VDAC1: variants seen among roughly 807,000 people sequenced by gnomAD.
VDAC1 encodes the protein voltage dependent anion channel 1.
A neutral mutation model predicts 34.7 loss-of-function variants in VDAC1; 10 were observed. The ratio of observed to expected loss-of-function variants is 0.29; its 90% CI spans 0.18 to 0.49. The LOEUF (loss-of-function observed/expected upper bound fraction) is 0.49. Among genes scored for constraint, VDAC1 ranks in the 20% least tolerant of loss-of-function variants. The probability of loss-of-function intolerance (pLI) is 0.99; values close to 1 mark genes in which losing one functional copy is unlikely to be tolerated. For synonymous variants in VDAC1, 130 were observed against 136.0 expected (o/e 0.96, Z 0.30); for missense variants, 230 against 347.9 (o/e 0.66, Z 2.69).
chr5:134,026,871 C>T, the VDAC1 span, among the ~76,000 whole-genome samples: 2 of 152,352 alleles, frequency 1.3e-5, no homozygotes, highest in African/African-American at 4.8e-5. Context: ...CCCTCATTTA[C>T]AGATGTGGAA....
chr5:133,994,220 T>A (rs548648884), intron 1 of VDAC1, among the ~76,000 whole-genome samples: 2 of 152,214 alleles, frequency 1.3e-5, no homozygotes, highest in Non-Finnish European at 2.9e-5. Context: ...TCAAAGGCAT[T>A]GCAGGAGGCC....
At position 133,998,717 on chromosome 5, in the gene VDAC1, G is replaced by A. The variant is rs75085112; in HGVS notation, c.-6-5699C>T. On this transcript the variant is annotated intron_variant, in intron 1 of 8. Transcript: ENST00000265333. The stretch of plus-strand genomic sequence containing the variant: ...GAAGAGTTATCAGGCAAGGTCCGTC[G>A]GGGCACATTTCACTCCCAGGTGACC... Among the ~76,000 whole-genome samples the A allele has an allele frequency of 3.2e-3, 486 of 152,284 alleles. 5 individuals carry two copies. Among genetic ancestry groups the A allele is most frequent in the African/African-American group, 0.011 (461 of 41,558 alleles).
In VDAC1 at chr5:133,972,220, T is replaced by C. The variant is rs1752322444; in HGVS notation, c.*551A>G. The C allele has an allele frequency of 5.9e-6, 1 of 170,156 alleles. No homozygotes were observed. The highest frequency in any genetic ancestry group is 6.3e-5 in the Admixed American group (1 of 15,792). The allele number at this position is 170,156 out of a possible 1,614,324, so 10.5% of individuals were successfully genotyped here. A position where few individuals can be genotyped will look rare whatever the true frequency, so the allele number is the denominator to read the frequency against. On this transcript the variant is annotated 3_prime_UTR_variant, in exon 9 of 9. Transcript: ENST00000265333. Reference sequence around the variant, plus strand: ...AATAAGTCCTGAATTATTGGCTTCATCACATCCACCTTCTCCACCCCAAAA... The same window carrying C: ...AATAAGTCCTGAATTATTGGCTTCACCACATCCACCTTCTCCACCCCAAAA...
At chr5:133,981,206 A>G (rs1238881434) in intron 5 of VDAC1, among the ~76,000 whole-genome samples, 1 of 152,160 alleles carries the variant, frequency 6.6e-6, no homozygotes, top group Admixed American at 6.5e-5. Flanking sequence ...TGAAAAATAA[A>G]TACGAAGTAA....
At chr5:134,080,199 C>T in the VDAC1 span, among the ~76,000 whole-genome samples, 2 of 152,232 alleles carry the variant, frequency 1.3e-5, no homozygotes, top group Non-Finnish European at 2.9e-5. Flanking sequence ...TCGTCAGACA[C>T]GAAGGATTTC....
In VDAC1 at chr5:133,973,847, G is replaced by C. The variant is rs775224948; in HGVS notation, c.704C>G (p.Ala235Gly). The C allele has an allele frequency of 6.8e-6, 11 of 1,612,362 alleles. No homozygotes were observed. Among genetic ancestry groups the C allele is most frequent in the South Asian group, 1.1e-5 (1 of 90,628 alleles). The change falls in exon 8 of 9, where the codon GCT (alanine) becomes GGT (glycine). Residue 235 changes from alanine to glycine, a missense_variant and splice_region_variant. Physicochemically the swap from Ala to Gly is moderately conservative, Grantham distance 60. Coordinates refer to ENST00000265333, the MANE Select transcript of VDAC1 (RefSeq NM_003374.3). ...YQIDPDACFS[A>G]KVNNSSLIGL... ...TATCAGGCTGGAGTTGTTCACTTTA[G>C]CCTAATCAAGGAAATGACAAAACAG...
chr5:134,061,514 G>A, the VDAC1 span, among the ~76,000 whole-genome samples: 1 of 151,532 alleles, frequency 6.6e-6, no homozygotes, highest in South Asian at 2.1e-4. Context: ...TGGGACTACA[G>A]GCACACACCA....
chr5:134,111,517 T>A, the VDAC1 span, among the ~76,000 whole-genome samples: 1 of 152,080 alleles, frequency 6.6e-6, no homozygotes, highest in African/African-American at 2.4e-5. Flanking sequence ...CCAGAACAGG[T>A]GGCCTCGGGT....
At chr5:134,016,783 G>A in the VDAC1 span, among the ~76,000 whole-genome samples, 1 of 152,332 alleles carries the variant, frequency 6.6e-6, no homozygotes, top group Admixed American at 6.5e-5. Flanking sequence ...AGCTGCACAG[G>A]GTGCTGGCTT....
At chr5:134,110,380 C>A in the VDAC1 span, among the ~76,000 whole-genome samples, 1 of 152,208 alleles carries the variant, frequency 6.6e-6, no homozygotes, top group Admixed American at 6.5e-5. Flanking sequence ...CCCCTTGCTT[C>A]ATTTTAAGGG....
chr5:134,107,929 T>G, the VDAC1 span, among the ~76,000 whole-genome samples: 1 of 152,180 alleles, frequency 6.6e-6, no homozygotes, highest in African/African-American at 2.4e-5. Flanking sequence ...GTGGAGAAGC[T>G]GATTTCACAC....
At chr5:134,040,323 T>A in the VDAC1 span, among the ~76,000 whole-genome samples, 1 of 151,998 alleles carries the variant, frequency 6.6e-6, no homozygotes, top group Non-Finnish European at 1.5e-5. Flanking sequence ...ATGCCTGTAA[T>A]CCCAGCACTT....
chr5:134,016,122 G>T, the VDAC1 span, among the ~76,000 whole-genome samples: 1 of 152,204 alleles, frequency 6.6e-6, no homozygotes, highest in Non-Finnish European at 1.5e-5. Flanking sequence ...AACTTTTAAA[G>T]GAGGCCGGGT....
chr5:134,017,907 C>T, the VDAC1 span, among the ~76,000 whole-genome samples: 157 of 152,100 alleles, frequency 1.0e-3, no homozygotes, highest in East Asian at 0.019. Context: ...AGCGAGACTC[C>T]GTCTCAAAAA....
chr5:133,988,574 C>T (rs1272012395), intron 5 of VDAC1, among the ~76,000 whole-genome samples: 1 of 151,968 alleles, frequency 6.6e-6, no homozygotes, highest in African/African-American at 2.4e-5. Context: ...ACCAGCCTGG[C>T]CAATACGGTG....
At chr5:134,055,577 GC>G in the VDAC1 span, among the ~76,000 whole-genome samples, 1 of 110,680 alleles carries the variant, frequency 9.0e-6, no homozygotes, top group Non-Finnish European at 1.8e-5. Context: ...CCGCCACCAC[GC>G]CCCGCTAATG....
At chr5:134,009,712 C>T (rs1753802962), upstream of VDAC1, among the ~76,000 whole-genome samples, 2 of 152,042 alleles carry the variant, frequency 1.3e-5, no homozygotes, top group Non-Finnish European at 1.5e-5. Context: ...GACAGAGTCT[C>T]CCTCTGTCAC....
At chr5:134,006,284 T>C (rs1280726356), upstream of VDAC1, among the ~76,000 whole-genome samples, 3 of 151,858 alleles carry the variant, frequency 2.0e-5, no homozygotes, top group African/African-American at 7.3e-5. Flanking sequence ...CTGAGACTGG[T>C]GGGCAGGGGG....
At chr5:134,040,045 G>A in the VDAC1 span, among the ~76,000 whole-genome samples, 17 of 152,230 alleles carry the variant, frequency 1.1e-4, no homozygotes, top group African/African-American at 3.9e-4. Context: ...CCAGGGACAA[G>A]GACGGAGGCT....
Sources: gnomAD v4.1 joint callset for allele counts (sites outside exome capture counted in the v4.1 genomes callset) on GRCh38, gnomAD v4.1.1 for gene constraint, MANE v1.5 for transcripts, NCBI Gene and HGNC (gene_info 2026-07-23, HGNC 2026-07-21) for gene names.